Variants in IL1RAPL2 observed in about 807,000 individuals in gnomAD.
IL1RAPL2 encodes the protein interleukin 1 receptor accessory protein like 2.
IL1RAPL2 carries 3 observed loss-of-function variants against 44.1 expected under a neutral mutation model. The observed-to-expected ratio is 0.07, with a 90% CI of 0.03 to 0.18. IL1RAPL2 has a LOEUF of 0.18. IL1RAPL2 is among the 10% of genes least tolerant of loss of function. The probability of loss-of-function intolerance (pLI) is 1.00; values close to 1 mark genes in which losing one functional copy is unlikely to be tolerated. For synonymous variants in IL1RAPL2, 181 were observed against 178.8 expected (o/e 1.01, Z -0.10); for missense variants, 391 against 496.4 (o/e 0.79, Z 2.02).
intron 2 of IL1RAPL2, among the ~76,000 whole-genome samples, chrX:104,892,254 C>A (rs1219211872): frequency 1.8e-5 from 2 of 111,563 alleles, no homozygotes; most frequent in African/African-American, 6.5e-5. Flanking sequence ...GTCTAAAATT[C>A]TCTTTTTTTG....
chrX:104,805,718 C>G (rs1396826359), intron 2 of IL1RAPL2, among the ~76,000 whole-genome samples: 3 of 111,995 alleles, frequency 2.7e-5, no homozygotes, highest in Non-Finnish European at 5.6e-5. Flanking sequence ...ATAATCACAA[C>G]AGTTAACATT....
intron 5 of IL1RAPL2, among the ~76,000 whole-genome samples, chrX:105,458,136 A>G (rs1225185861): frequency 9.0e-6 from 1 of 111,298 alleles, no homozygotes; most frequent in African/African-American, 3.3e-5. Flanking sequence ...ATAAATGTCT[A>G]TCGAATTTCT....
chrX:105,639,902 A>G (rs1278951258), intron 6 of IL1RAPL2, among the ~76,000 whole-genome samples: 2 of 111,105 alleles, frequency 1.8e-5, no homozygotes, highest in Admixed American at 9.6e-5. Flanking sequence ...ATGGTCTCCT[A>G]TTTTTCATGG....
intron 7 of IL1RAPL2, among the ~76,000 whole-genome samples, chrX:105,739,845 G>A (rs2038483715): frequency 2.0e-5 from 2 of 100,281 alleles, no homozygotes; most frequent in African/African-American, 3.7e-5. Flanking sequence ...ATGATTTATA[G>A]TCCTTTGGGT....
Position 104,727,573 on chromosome X carries a change from C to A in IL1RAPL2, c.82+68578C>A, listed in dbSNP as rs148259517. 3.5e-3 allele frequency among the ~76,000 whole-genome samples: 386 copies of A among 110,977 alleles called. 3 individuals carry two copies. The highest frequency in any genetic ancestry group is 0.023 in the Admixed American group (244 of 10,423). ...TGAACTGCCATTTGATCCAGCAATCCCACTACTAGGTATCTACCCAAAGGA... is the reference window on the plus strand; with the variant it reads ...TGAACTGCCATTTGATCCAGCAATCACACTACTAGGTATCTACCCAAAGGA... On this transcript the variant is annotated intron_variant, in intron 2 of 10. Transcript: ENST00000372582.
At chrX:105,005,723 G>T (rs960470347) in intron 2 of IL1RAPL2, among the ~76,000 whole-genome samples, 1 of 110,306 alleles carries the variant, frequency 9.1e-6, no homozygotes, top group Non-Finnish European at 1.9e-5. Flanking sequence ...TCTTCATAAA[G>T]AATAGTCAAT....
At chrX:105,332,442 G>T (rs764350691) in intron 5 of IL1RAPL2, among the ~76,000 whole-genome samples, 12 of 110,594 alleles carry the variant, frequency 1.1e-4, no homozygotes. Flanking sequence ...CAAATGTTCT[G>T]TACTCAATGA....
chrX:104,760,610 A>G (rs1316556509), intron 2 of IL1RAPL2, among the ~76,000 whole-genome samples: 1 of 111,622 alleles, frequency 9.0e-6, no homozygotes, highest in African/African-American at 3.3e-5. Flanking sequence ...CAAATATTTT[A>G]CCCATCTTTT....
intron 2 of IL1RAPL2, among the ~76,000 whole-genome samples, chrX:104,975,719 C>A (rs1452689487): frequency 8.9e-6 from 1 of 112,166 alleles, no homozygotes; most frequent in Admixed American, 9.4e-5. Context: ...TGTAGGTTTG[C>A]CTTTAGGGGC....
intron 5 of IL1RAPL2, among the ~76,000 whole-genome samples, chrX:105,391,174 G>T (rs981203674): frequency 9.0e-6 from 1 of 111,502 alleles, no homozygotes; most frequent in Non-Finnish European, 1.9e-5. Context: ...TGAGACTTCA[G>T]AATGAATAAT....
intron 1 of IL1RAPL2, among the ~76,000 whole-genome samples, chrX:104,592,145 ATGTGTGTGTGTG>A (rs35940205): frequency 5.5e-4 from 33 of 60,214 alleles, no homozygotes; most frequent in East Asian, 2.1e-3. Flanking sequence ...ATGCCCGTAT[ATGTGTGTGTGTG>A]TGTGTGTGTG....
intron 2 of IL1RAPL2, among the ~76,000 whole-genome samples, chrX:104,869,324 C>T (rs1440258017): frequency 9.0e-6 from 1 of 111,049 alleles, no homozygotes; most frequent in Non-Finnish European, 1.9e-5. Flanking sequence ...ATAACATATC[C>T]ATCACCTTAC....
rs139729824 is a variant in IL1RAPL2, at chrX:105,362,668, T to C, written c.697+95127T>C. Among the ~76,000 whole-genome samples, 192 of 111,165 alleles carry C rather than the reference T, an allele frequency of 1.7e-3. 1 individual carries two copies. Among genetic ancestry groups the C allele is most frequent in the African/African-American group, 5.5e-3 (168 of 30,744 alleles). ...TAATCTCAACATTCCAGAAAATGTA[T>C]TTAAAAAACAGGCAGGCTATCAGTA... is the stretch of plus-strand genomic sequence containing the variant. On this transcript the variant is annotated intron_variant, in intron 5 of 10. Coordinates refer to ENST00000372582, the MANE Select transcript of IL1RAPL2 (RefSeq NM_017416.2).
chrX:104,893,373 T>C (rs1923528282), intron 2 of IL1RAPL2, among the ~76,000 whole-genome samples: 1 of 110,593 alleles, frequency 9.0e-6, no homozygotes, highest in South Asian at 3.8e-4. Flanking sequence ...ATTGATCTAA[T>C]ATTGACAGTG....
At chrX:105,656,394 A>C (rs1199263727) in intron 6 of IL1RAPL2, among the ~76,000 whole-genome samples, 1 of 111,992 alleles carries the variant, frequency 8.9e-6, no homozygotes, top group African/African-American at 3.2e-5. Context: ...CCATTGCATA[A>C]TAGCAAGTCT....
chrX:105,385,707 G>A (rs1187837545), intron 5 of IL1RAPL2, among the ~76,000 whole-genome samples: 1 of 110,746 alleles, frequency 9.0e-6, no homozygotes, highest in Non-Finnish European at 1.9e-5. Context: ...AGAGATCAAA[G>A]TCTTGGGAGG....
intron 6 of IL1RAPL2, among the ~76,000 whole-genome samples, chrX:105,513,530 C>A (rs758793318): frequency 1.2e-3 from 130 of 112,069 alleles, no homozygotes; most frequent in African/African-American, 3.6e-3. Context: ...TGATGATGAG[C>A]AGTTTTTCAT....
chrX:105,508,841 A>C (rs769632040), intron 6 of IL1RAPL2, among the ~76,000 whole-genome samples: 3 of 111,448 alleles, frequency 2.7e-5, no homozygotes, highest in Non-Finnish European at 5.7e-5. Context: ...TCACAGTAAA[A>C]CCACAGAAAA....
At chrX:105,076,761 T>G (rs759623528) in intron 2 of IL1RAPL2, among the ~76,000 whole-genome samples, 6 of 111,628 alleles carry the variant, frequency 5.4e-5, no homozygotes, top group African/African-American at 2.0e-4. Context: ...GGATAGTTAG[T>G]TCTTCTTGTT....
Sources: allele counts gnomAD v4.1 joint callset (sites outside exome capture counted in the v4.1 genomes callset), GRCh38; gene constraint gnomAD v4.1.1; transcripts MANE v1.5; gene names NCBI Gene and HGNC (gene_info 2026-07-23, HGNC 2026-07-21).